ARHGEF26: variants seen among roughly 807,000 people sequenced by gnomAD.
ARHGEF26 encodes the protein Rho guanine nucleotide exchange factor (GEF) 26.
Under a neutral mutation model 89.4 loss-of-function variants are expected in ARHGEF26, and 59 were observed. The observed-to-expected ratio is 0.66, with a 90% CI of 0.54 to 0.82. ARHGEF26 has a LOEUF of 0.82. ARHGEF26 is among the 40% of genes least tolerant of loss of function. The pLI is 0.00. For missense variants in ARHGEF26, 1,234 were observed against 1,085.6 expected, an observed-to-expected ratio of 1.14 and a Z score of -1.92; for synonymous variants, 500 against 428.4, an observed-to-expected ratio of 1.17 and a Z score of -2.06.
intron 9 of ARHGEF26, among the ~76,000 whole-genome samples, chr3:154,197,102 A>G (rs184815061): frequency 5.3e-4 from 81 of 152,260 alleles, no homozygotes; most frequent in Admixed American, 4.5e-3. Context: ...GAGTTGCTTT[A>G]CCTTGATACT....
chr3:154,199,215 A>G (rs1342744816), intron 9 of ARHGEF26, among the ~76,000 whole-genome samples: 4 of 151,572 alleles, frequency 2.6e-5, no homozygotes, highest in African/African-American at 9.7e-5. Flanking sequence ...CCAGCCCCCG[A>G]CTACCCTTCC....
chr3:154,204,793 G>A (rs1714910676), intron 9 of ARHGEF26, among the ~76,000 whole-genome samples: 1 of 151,974 alleles, frequency 6.6e-6, no homozygotes, highest in African/African-American at 2.4e-5. Context: ...TCATTCAGGA[G>A]CATATTTTTT....
chr3:154,236,984 G>A (rs1411797091), intron 11 of ARHGEF26, among the ~76,000 whole-genome samples: 1 of 152,148 alleles, frequency 6.6e-6, no homozygotes, highest in African/African-American at 2.4e-5. Context: ...CCTTGTTCAG[G>A]CATATTCAAT....
chr3:154,132,623 T>C (rs1718749289), intron 4 of ARHGEF26, among the ~76,000 whole-genome samples: 1 of 152,168 alleles, frequency 6.6e-6, no homozygotes, highest in Non-Finnish European at 1.5e-5. Context: ...TCGGCACCTC[T>C]ATTTCTCTAT....
intron 10 of ARHGEF26, among the ~76,000 whole-genome samples, chr3:154,221,970 T>TG (rs1716158313): frequency 6.6e-6 from 1 of 152,226 alleles, no homozygotes; most frequent in Non-Finnish European, 1.5e-5. Context: ...AGAATATTGG[T>TG]TGCAAATTTA....
chr3:154,160,943 T>C (rs1203951711), intron 6 of ARHGEF26, among the ~76,000 whole-genome samples: 2 of 152,040 alleles, frequency 1.3e-5, no homozygotes, highest in Non-Finnish European at 2.9e-5. Flanking sequence ...ATGATGACCC[T>C]CTTTACCCCA....
intron 6 of ARHGEF26, among the ~76,000 whole-genome samples, chr3:154,181,281 G>C (rs1713168787): frequency 6.6e-6 from 1 of 152,080 alleles, no homozygotes; most frequent in South Asian, 2.1e-4. Flanking sequence ...CTTTGTTTAG[G>C]GAAGATATTT....
chr3:154,176,458 C>T (rs1712826054), intron 6 of ARHGEF26, among the ~76,000 whole-genome samples: 1 of 152,152 alleles, frequency 6.6e-6, no homozygotes, highest in Admixed American at 6.5e-5. Flanking sequence ...TGATTACTTA[C>T]AAATCAGCTG....
At chr3:154,181,983 A>G (rs548990581) in intron 6 of ARHGEF26, among the ~76,000 whole-genome samples, 5 of 151,750 alleles carry the variant, frequency 3.3e-5, no homozygotes, top group Non-Finnish European at 5.9e-5. Flanking sequence ...CAAATATTTG[A>G]CTGTCTCCTA....
chr3:154,219,246 C>A (rs544526913), intron 10 of ARHGEF26, among the ~76,000 whole-genome samples: 2 of 152,126 alleles, frequency 1.3e-5, no homozygotes, highest in Admixed American at 6.5e-5. Flanking sequence ...AATTCCCTAA[C>A]CATTTTTCTT....
chr3:154,198,324 C>T (rs937863773), intron 9 of ARHGEF26, among the ~76,000 whole-genome samples: 9 of 152,104 alleles, frequency 5.9e-5, no homozygotes, highest in African/African-American at 2.2e-4. Context: ...TATGGAGATT[C>T]CTTAAAGAAC....
intron 11 of ARHGEF26, among the ~76,000 whole-genome samples, chr3:154,234,004 A>G (rs976354364): frequency 6.6e-6 from 1 of 152,262 alleles, no homozygotes; most frequent in African/African-American, 2.4e-5. Context: ...GCCAAAAATC[A>G]TATGAATATC....
At position 154,122,544 on chromosome 3, in the gene ARHGEF26, T is replaced by G; in HGVS notation, c.552T>G (p.Ser184=). The G allele has an allele frequency of 6.2e-7, 1 of 1,613,486 alleles. No individual in the cohort carries two copies. The highest frequency in any genetic ancestry group is 2.2e-5 in the East Asian group (1 of 44,858). Residue 184 remains serine (S), a synonymous_variant, in exon 2 of 15, where the codon TCT becomes TCG. Transcript: ENST00000465093. Reference sequence around the variant, plus strand: ...ATGGCCTTGCCGCTAATAACGACTCTCCTGGGTCAGGTTCGCAGTCCGGCC... The same window carrying G: ...ATGGCCTTGCCGCTAATAACGACTCGCCTGGGTCAGGTTCGCAGTCCGGCC... ...TANGLAANND[S]PGSGSQSGRK...
chr3:154,226,936 A>C (rs1315351425), intron 11 of ARHGEF26, among the ~76,000 whole-genome samples: 1 of 152,210 alleles, frequency 6.6e-6, no homozygotes, highest in Non-Finnish European at 1.5e-5. Context: ...ATAGAAACAG[A>C]TCTCTATGAA....
At chr3:154,214,384 G>T (rs1340156226) in intron 9 of ARHGEF26, among the ~76,000 whole-genome samples, 1 of 152,152 alleles carries the variant, frequency 6.6e-6, no homozygotes, top group Non-Finnish European at 1.5e-5. Context: ...GAGTTCAGTG[G>T]CCAGGGCAGG....
chr3:154,139,882 A>C (rs1033385354), intron 4 of ARHGEF26, among the ~76,000 whole-genome samples: 7 of 152,248 alleles, frequency 4.6e-5, no homozygotes, highest in African/African-American at 1.7e-4. Context: ...AGAACTATAC[A>C]GTCAGTGGAC....
chr3:154,172,467 G>A (rs1712511481), intron 6 of ARHGEF26, among the ~76,000 whole-genome samples: 1 of 152,230 alleles, frequency 6.6e-6, no homozygotes, highest in Non-Finnish European at 1.5e-5. Flanking sequence ...GGACAAGGCA[G>A]GTGGATTGCT....
intron 11 of ARHGEF26, among the ~76,000 whole-genome samples, chr3:154,238,385 A>G (rs899249575): frequency 6.6e-6 from 1 of 152,198 alleles, no homozygotes; most frequent in African/African-American, 2.4e-5. Context: ...AGAAGGCAAT[A>G]TTTTGCTTTT....
At chr3:154,192,809 C>G (rs1714033580) in intron 8 of ARHGEF26, among the ~76,000 whole-genome samples, 1 of 152,014 alleles carries the variant, frequency 6.6e-6, no homozygotes, top group East Asian at 1.9e-4. Flanking sequence ...TTTTCTTCTT[C>G]TGAAAATGCA....
Sources: gnomAD v4.1 joint callset for allele counts (sites outside exome capture counted in the v4.1 genomes callset) on GRCh38, gnomAD v4.1.1 for gene constraint, MANE v1.5 for transcripts, NCBI Gene and HGNC (gene_info 2026-07-23, HGNC 2026-07-21) for gene names.